Variants in LRP1B observed in about 807,000 individuals in gnomAD.
The protein encoded by LRP1B is low-density lipoprotein receptor-related protein 1B.
Under a neutral mutation model 556.6 loss-of-function variants are expected in LRP1B, and 217 were observed. The ratio of observed to expected loss-of-function variants is 0.39; its 90% CI spans 0.35 to 0.44. The LOEUF (loss-of-function observed/expected upper bound fraction) is 0.44, where lower values mean the gene tolerates loss of function less well. Among genes scored for constraint, LRP1B ranks in the 20% least tolerant of loss-of-function variants. LRP1B has a pLI of 1.00. For missense variants in LRP1B, 5,053 were observed against 5,620.8 expected (o/e 0.90, Z 3.23); for synonymous variants, 2,047 against 1,865.8 (o/e 1.10, Z -2.50).
rs185442869 is a variant in LRP1B at position 141,420,509 on chromosome 2, A to G, written c.343+59887T>C. On this transcript the variant is annotated intron_variant, in intron 3 of 90. Transcript: ENST00000389484. ...GCAGCTACTTTACCAAAAGCTCGTA[A>G]GTTTTTGCTCTCCCTGATGTCAGTC... Among the ~76,000 whole-genome samples, 241 of 152,252 alleles carry G rather than the reference A, an allele frequency of 1.6e-3. 2 individuals are homozygous for G. Among genetic ancestry groups the G allele is most frequent in the African/African-American group, 5.7e-3 (237 of 41,540 alleles).
At chr2:140,406,557 A>C (rs1271350555) in intron 66 of LRP1B, among the ~76,000 whole-genome samples, 1 of 152,162 alleles carries the variant, frequency 6.6e-6, no homozygotes. Context: ...ACAGTGACCC[A>C]GCTGAGAATC....
chr2:140,907,405 G>T (rs538720935), intron 22 of LRP1B, among the ~76,000 whole-genome samples: 1 of 152,118 alleles, frequency 6.6e-6, no homozygotes, highest in Admixed American at 6.6e-5. Context: ...GGAAAATTAT[G>T]TTAAATTGGG....
intron 32 of LRP1B, among the ~76,000 whole-genome samples, chr2:140,801,201 T>C (rs1348882493): frequency 6.6e-6 from 1 of 152,180 alleles, no homozygotes; most frequent in Non-Finnish European, 1.5e-5. Flanking sequence ...TGTTCGTACA[T>C]GATTATTTTA....
chr2:140,258,548 C>G (rs1179131058), intron 86 of LRP1B, among the ~76,000 whole-genome samples: 1 of 152,066 alleles, frequency 6.6e-6, no homozygotes, highest in African/African-American at 2.4e-5. Context: ...TGTTGGACCC[C>G]TAGAAGTTCA....
intron 2 of LRP1B, among the ~76,000 whole-genome samples, chr2:141,704,365 A>T (rs1692062543): frequency 6.6e-6 from 1 of 151,980 alleles, no homozygotes; most frequent in South Asian, 2.1e-4. Context: ...TCAACTTGAA[A>T]CACAACATGA....
chr2:141,024,822 A>G (rs1392373921), intron 11 of LRP1B, among the ~76,000 whole-genome samples: 1 of 151,958 alleles, frequency 6.6e-6, no homozygotes, highest in Non-Finnish European at 1.5e-5. Flanking sequence ...AGCAACTGGG[A>G]GGGGTCCATA....
chr2:141,238,855 C>G (rs567253073), intron 5 of LRP1B, among the ~76,000 whole-genome samples: 1 of 151,932 alleles, frequency 6.6e-6, no homozygotes, highest in Non-Finnish European at 1.5e-5. Context: ...GAAGAAAGAG[C>G]ATTATTAAGA....
intron 1 of LRP1B, among the ~76,000 whole-genome samples, chr2:141,895,555 G>A (rs1699427275): frequency 6.6e-6 from 1 of 152,174 alleles, no homozygotes; most frequent in Admixed American, 6.6e-5. Flanking sequence ...AGTGAGGACT[G>A]GAGGAAAGGA....
At chr2:141,422,912 GAAGT>G (rs1680192959) in intron 3 of LRP1B, among the ~76,000 whole-genome samples, 1 of 152,182 alleles carries the variant, frequency 6.6e-6, no homozygotes, top group Admixed American at 6.5e-5. Flanking sequence ...GTCAAGATAT[GAAGT>G]AAGAGGGAAT....
intron 2 of LRP1B, among the ~76,000 whole-genome samples, chr2:141,732,239 T>C (rs1693300668): frequency 6.6e-6 from 1 of 152,206 alleles, no homozygotes; most frequent in Admixed American, 6.5e-5. Context: ...GGGGAATTAC[T>C]ACGAAATTAT....
At chr2:140,304,802 G>C (rs1683995374) in intron 83 of LRP1B, among the ~76,000 whole-genome samples, 1 of 152,182 alleles carries the variant, frequency 6.6e-6, no homozygotes. Context: ...TAACGTTTAA[G>C]TCTTTAATCC....
chr2:141,534,063 G>C (rs1287977597), intron 2 of LRP1B, among the ~76,000 whole-genome samples: 1 of 152,152 alleles, frequency 6.6e-6, no homozygotes, highest in Non-Finnish European at 1.5e-5. Flanking sequence ...GTGTGAGAGA[G>C]AGAGAGGGGA....
At chr2:140,929,062 A>T (rs1360253997) in intron 20 of LRP1B, among the ~76,000 whole-genome samples, 1 of 152,150 alleles carries the variant, frequency 6.6e-6, no homozygotes, top group African/African-American at 2.4e-5. Flanking sequence ...TACATTGCTT[A>T]AAGTTTTTGC....
intron 7 of LRP1B, among the ~76,000 whole-genome samples, chr2:141,172,460 C>A (rs937112759): frequency 2.0e-5 from 3 of 151,976 alleles, no homozygotes; most frequent in African/African-American, 4.8e-5. Flanking sequence ...GAACCGTGAT[C>A]CTTTATATTT....
At chr2:141,994,994 A>G (rs1259066842) in intron 1 of LRP1B, among the ~76,000 whole-genome samples, 3 of 152,142 alleles carry the variant, frequency 2.0e-5, no homozygotes, top group African/African-American at 4.8e-5. Context: ...CACATATCCC[A>G]TTTGTAACAA....
At position 141,276,638 on chromosome 2, in the gene LRP1B, T is replaced by TTTTC. The variant is rs70991151; in HGVS notation, c.344-22001_344-21998dup. Among the ~76,000 whole-genome samples, 303 of 137,296 alleles carry TTTTC rather than the reference T, an allele frequency of 2.2e-3. 4 individuals carry two copies. The highest frequency in any genetic ancestry group is 0.016 in the South Asian group (68 of 4,370). The allele number at this position is 137,296 out of a possible 152,430, so 90.1% of individuals were successfully genotyped here. On this transcript the variant is annotated intron_variant, in intron 3 of 90. Coordinates refer to ENST00000389484, the MANE Select transcript of LRP1B (RefSeq NM_018557.3). ...CAAAGGATATAATCTCATTCTATTT[T>TTTTC]TTTCTTTCTTTCTTTCTTTCTTTTT...
intron 2 of LRP1B, among the ~76,000 whole-genome samples, chr2:141,539,760 TAAGC>T (rs1685188731): frequency 6.6e-6 from 1 of 152,244 alleles, no homozygotes; most frequent in South Asian, 2.1e-4. Flanking sequence ...GAAAAGTAAA[TAAGC>T]AAGGTATTGT....
intron 1 of LRP1B, among the ~76,000 whole-genome samples, chr2:141,925,394 G>T (rs1700307161): frequency 6.6e-6 from 1 of 152,056 alleles, no homozygotes; most frequent in Admixed American, 6.6e-5. Context: ...ATCACAGGAA[G>T]GTCATGCCTC....
intron 2 of LRP1B, among the ~76,000 whole-genome samples, chr2:141,482,632 A>G (rs1682966170): frequency 6.6e-6 from 1 of 152,038 alleles, no homozygotes; most frequent in African/African-American, 2.4e-5. Flanking sequence ...TGTTTATAAT[A>G]TTAACATAAA....
Sources: allele counts gnomAD v4.1 joint callset (sites outside exome capture counted in the v4.1 genomes callset), GRCh38; gene constraint gnomAD v4.1.1; transcripts MANE v1.5; gene names NCBI Gene and HGNC (gene_info 2026-07-23, HGNC 2026-07-21).